Variants in DCDC1 observed in about 807,000 individuals in gnomAD.
The protein encoded by DCDC1 is doublecortin domain-containing protein 1.
DCDC1 carries 200 observed loss-of-function variants against 178.3 expected under a neutral mutation model. That is an observed-to-expected ratio of 1.12 (90% CI 1.00 to 1.26). The LOEUF (loss-of-function observed/expected upper bound fraction) is 1.26. Among genes scored for constraint, DCDC1 ranks in the 50% most tolerant of loss-of-function variants. DCDC1 has a pLI of 0.00. For synonymous variants in DCDC1, 690 were observed against 604.8 expected (o/e 1.14, Z -2.07); for missense variants, 1,983 against 1,749.2 (o/e 1.13, Z -2.38).
chr11:31,290,847 G>C lies in DCDC1; in HGVS notation c.760C>G (p.Leu254Val). 6.2e-7 allele frequency: 1 copy of C among 1,610,558 alleles called. No homozygotes were observed. Among genetic ancestry groups the C allele is most frequent in the Non-Finnish European group, 8.5e-7 (1 of 1,178,610 alleles). Reference protein sequence around the residue: ...LNPFKKIKDHLLLIKKVTWTM... With the variant: ...LNPFKKIKDHVLLIKKVTWTM... ...CAAGTTACTTTCTTAATTAACAACA[G>C]ATGGTCTAGAAGATAATTTTTTAAG... The change falls in exon 7 of 39, where the codon CTG becomes GTG. Residue 254 changes from leucine to valine, a missense_variant. Coordinates refer to ENST00000684477, the MANE Select transcript of DCDC1 (RefSeq NM_001387274.1).
chr11:31,204,969 G>C (rs938710960), intron 9 of DCDC1, among the ~76,000 whole-genome samples: 4 of 152,158 alleles, frequency 2.6e-5, no homozygotes, highest in South Asian at 2.1e-4. Flanking sequence ...ATATAAAGTA[G>C]AGTTGGCATT....
At chr11:31,193,157 A>G (rs975534231) in intron 9 of DCDC1, among the ~76,000 whole-genome samples, 1 of 151,948 alleles carries the variant, frequency 6.6e-6, no homozygotes, top group Non-Finnish European at 1.5e-5. Context: ...CTGGTTCTCT[A>G]GTTTGCAGAT....
intron 20 of DCDC1, among the ~76,000 whole-genome samples, chr11:30,998,776 G>A (rs1436550955): frequency 6.6e-6 from 1 of 152,124 alleles, no homozygotes; most frequent in African/African-American, 2.4e-5. Flanking sequence ...CCCTCTAGGA[G>A]GTAAGAGCTT....
intron 6 of DCDC1, among the ~76,000 whole-genome samples, chr11:31,297,500 C>T (rs568875217): frequency 2.0e-5 from 3 of 152,004 alleles, no homozygotes; most frequent in Non-Finnish European, 4.4e-5. Flanking sequence ...CGCGCACTAC[C>T]GTGCCTGGCT....
chr11:31,070,747 T>A (rs1232227897), intron 18 of DCDC1, among the ~76,000 whole-genome samples: 1 of 152,104 alleles, frequency 6.6e-6, no homozygotes, highest in Non-Finnish European at 1.5e-5. Flanking sequence ...ATTTATGAGA[T>A]TTTTTCCCAT....
In DCDC1 at chr11:31,106,844, C is replaced by T. The variant is rs890487026; in HGVS notation, c.1704G>A (p.Ser568=). Residue 568 remains serine (S), a synonymous_variant, in exon 13 of 39, where the codon TCG becomes TCA. Coordinates refer to ENST00000684477, the MANE Select transcript of DCDC1 (RefSeq NM_001387274.1). Reference sequence around the variant, plus strand: ...CCCAAATTTTTTGCTCATTCTTCAGCGAAAGTGGATTCTTAATTTCTTGGC... The same window carrying T: ...CCCAAATTTTTTGCTCATTCTTCAGTGAAAGTGGATTCTTAATTTCTTGGC... ...ENGQEIKNPL[S]LKNEQKIWVS... is the part of the protein sequence containing the mutation. The T allele has an allele frequency of 1.0e-5, 8 of 766,164 alleles. No homozygotes were observed. The highest frequency in any genetic ancestry group is 2.4e-5 in the East Asian group (1 of 41,222). 47.5% of individuals were successfully genotyped at this position (766,164 alleles called of 1,614,324 possible).
intron 1 of DCDC1, among the ~76,000 whole-genome samples, chr11:31,365,783 G>A (rs1360879340): frequency 4.6e-5 from 7 of 152,104 alleles, no homozygotes; most frequent in Admixed American, 4.6e-4. Flanking sequence ...GCCTACCTTG[G>A]TTATGTTAGA....
At chr11:31,227,364 T>C (rs1020643997) in intron 9 of DCDC1, among the ~76,000 whole-genome samples, 4 of 152,042 alleles carry the variant, frequency 2.6e-5, no homozygotes, top group Non-Finnish European at 5.9e-5. Flanking sequence ...TTCCAGGCTT[T>C]TTTAAACAAC....
At chr11:31,242,336 T>C (rs1977260670) in intron 8 of DCDC1, among the ~76,000 whole-genome samples, 1 of 151,930 alleles carries the variant, frequency 6.6e-6, no homozygotes, top group Non-Finnish European at 1.5e-5. Context: ...GTTTATACAC[T>C]TTTTCACACG....
chr11:31,114,246 G>GTATAATCATTTCAAAATCAC (rs1959503741), intron 11 of DCDC1, among the ~76,000 whole-genome samples: 1 of 152,056 alleles, frequency 6.6e-6, no homozygotes, highest in African/African-American at 2.4e-5. Context: ...TATAAGAAAG[G>GTATAATCATTTCAAAATCAC]GTATGAAAGA....
intron 36 of DCDC1, among the ~76,000 whole-genome samples, chr11:30,886,998 T>C (rs1452917906): frequency 1.3e-5 from 2 of 152,158 alleles, no homozygotes; most frequent in Non-Finnish European, 2.9e-5. Context: ...AAACATACTT[T>C]AAAGGCAAAA....
intron 9 of DCDC1, chr11:31,156,020 T>A (rs1405794167): frequency 1.3e-5 from 2 of 152,204 alleles, no homozygotes; most frequent in African/African-American, 2.4e-5. Context: ...CTTCTCAAAC[T>A]TGTCTTGCCC....
In DCDC1 at chr11:31,064,489, A is replaced by T. The variant is rs1956140971; in HGVS notation, c.2571T>A (p.His857Gln). The T allele has an allele frequency of 1.3e-6, 1 of 765,622 alleles. No individual in the cohort carries two copies. The allele number at this position is 765,622 out of a possible 1,614,324, so 47.4% of individuals were successfully genotyped here. A position where few individuals can be genotyped will look rare whatever the true frequency, so the allele number is the denominator to read the frequency against. Residue 857 changes from histidine to glutamine, a missense_variant, in exon 20 of 39, where the codon CAT becomes CAA. Coordinates refer to ENST00000684477, the MANE Select transcript of DCDC1 (RefSeq NM_001387274.1). Reference sequence around the variant, plus strand: ...CCTACCTCTGAGCAGAAGCCTTAGGATGTTTCTCTTCCAGTTTCCTCACCA... The same window carrying T: ...CCTACCTCTGAGCAGAAGCCTTAGGTTGTTTCTCTTCCAGTTTCCTCACCA... Reference protein sequence around the residue: ...VALVRKLEEKHPKASAQRWAI... With the variant: ...VALVRKLEEKQPKASAQRWAI...
chr11:31,221,261 A>G (rs552921314), intron 9 of DCDC1, among the ~76,000 whole-genome samples: 1 of 152,296 alleles, frequency 6.6e-6, no homozygotes, highest in East Asian at 1.9e-4. Context: ...GTATAATTCA[A>G]CCTGAGGCAA....
intron 17 of DCDC1, among the ~76,000 whole-genome samples, chr11:31,078,268 C>A (rs553988917): frequency 3.6e-4 from 54 of 152,078 alleles, no homozygotes; most frequent in African/African-American, 1.3e-3. Flanking sequence ...AAGAAAGAGA[C>A]TTAATTAAGT....
intron 9 of DCDC1, among the ~76,000 whole-genome samples, chr11:31,170,684 T>A (rs1298138979): frequency 6.6e-6 from 1 of 152,200 alleles, no homozygotes; most frequent in Non-Finnish European, 1.5e-5. Flanking sequence ...TAGTACTACA[T>A]ACTGTAAAAG....
At chr11:31,363,420 T>G (rs1397004477) in intron 1 of DCDC1, among the ~76,000 whole-genome samples, 1 of 152,200 alleles carries the variant, frequency 6.6e-6, no homozygotes, top group Non-Finnish European at 1.5e-5. Context: ...ATACTAATTA[T>G]GTTTTCCATT....
intron 17 of DCDC1, among the ~76,000 whole-genome samples, chr11:31,082,311 T>C (rs1957226966): frequency 6.6e-6 from 1 of 152,094 alleles, no homozygotes; most frequent in Non-Finnish European, 1.5e-5. Flanking sequence ...ATAATGATGA[T>C]ACTCTTATCA....
chr11:30,957,978 G>T (rs1308400623), intron 20 of DCDC1, among the ~76,000 whole-genome samples: 1 of 152,182 alleles, frequency 6.6e-6, no homozygotes, highest in Non-Finnish European at 1.5e-5. Context: ...AGGTCAGTGT[G>T]ATGTGTTAGT....
Sources: allele counts gnomAD v4.1 joint callset (sites outside exome capture counted in the v4.1 genomes callset), GRCh38; gene constraint gnomAD v4.1.1; transcripts MANE v1.5; gene names NCBI Gene and HGNC (gene_info 2026-07-23, HGNC 2026-07-21).